UTRN: variants seen among roughly 807,000 people sequenced by gnomAD.
The protein encoded by UTRN is dystrophin-related protein 1.
A neutral mutation model predicts 463.9 loss-of-function variants in UTRN; 283 were observed. The observed-to-expected ratio is 0.61, with a 90% confidence interval of 0.55 to 0.67. The LOEUF (loss-of-function observed/expected upper bound fraction) is 0.67, where lower values mean the gene tolerates loss of function less well. UTRN is among the 30% of genes least tolerant of loss of function. UTRN has a pLI of 0.00. For synonymous variants in UTRN, 1,442 were observed against 1,431.5 expected, an observed-to-expected ratio of 1.01 and a Z score of -0.17; for missense variants, 3,922 against 4,084.3, an observed-to-expected ratio of 0.96 and a Z score of 1.08.
chr6:144,554,575 T>C (rs1799216507), intron 48 of UTRN, 113 bp from the exon 49 acceptor site: 1 of 1,063,320 alleles, frequency 9.4e-7, no homozygotes, highest in Admixed American at 2.6e-5. Context: ...GTTTATCAGC[T>C]TGCCTTCTTC....
In UTRN at chr6:144,286,279, G is replaced by T. The variant is rs980513517; in HGVS notation, c.-93+458G>T. ...ACAGACACCCGGGCCCGGGGAAGGCGGGGCTCCGGCGGTGTCCACAGGAGA... is the reference window on the plus strand; with the variant it reads ...ACAGACACCCGGGCCCGGGGAAGGCTGGGCTCCGGCGGTGTCCACAGGAGA... On this transcript the variant is annotated intron_variant, in intron 1 of 74. Coordinates refer to ENST00000367545, the MANE Select transcript of UTRN (RefSeq NM_007124.3). The surrounding 1 kb of genome is among the most constrained non-coding windows in gnomAD (Gnocchi z 4.4). 6.6e-6 allele frequency among the ~76,000 whole-genome samples: 1 copy of T among 152,158 alleles called. No homozygotes were observed. Among genetic ancestry groups the T allele is most frequent in the African/African-American group, 2.4e-5 (1 of 41,448 alleles).
At chr6:144,377,374 A>C (rs965406526) in intron 2 of UTRN, among the ~76,000 whole-genome samples, 1 of 152,200 alleles carries the variant, frequency 6.6e-6, no homozygotes, top group Non-Finnish European at 1.5e-5. Flanking sequence ...GCAGGAATAT[A>C]CATGTGCTTG....
In UTRN at chr6:144,824,776, G is replaced by C. The variant is rs1325283168; in HGVS notation, c.9495-2572G>C. On this transcript the variant is annotated intron_variant, in intron 66 of 74. Coordinates refer to ENST00000367545, the MANE Select transcript of UTRN (RefSeq NM_007124.3). ...AGGCAGTATGTGAAGTTGGTGGTGGGGGGGGGTGTCCCCCCAGCGTTAAGA... is the reference window on the plus strand; with the variant it reads ...AGGCAGTATGTGAAGTTGGTGGTGGCGGGGGGTGTCCCCCCAGCGTTAAGA... Among the ~76,000 whole-genome samples the C allele has an allele frequency of 1.9e-3, 275 of 146,154 alleles. 8 individuals are homozygous for C. Among genetic ancestry groups the C allele is most frequent in the Admixed American group, 0.015 (224 of 14,864 alleles).
rs77730551 is a variant in UTRN, at chr6:144,290,656, T to C, written c.-92-1081T>C. ...TTTTCATTCAGCATTCATATACCCA[T>C]GAGCTAGGTTCCTTAATTTGCATTT... On this transcript the variant is annotated intron_variant, in intron 1 of 74. Coordinates refer to ENST00000367545, the MANE Select transcript of UTRN (RefSeq NM_007124.3). Among the ~76,000 whole-genome samples the C allele has an allele frequency of 8.4e-3, 1,284 of 152,148 alleles. 79 individuals are homozygous for C. In the East Asian group the frequency reaches 0.16, roughly 19 times the overall value.
At chr6:144,289,678 T>A (rs1584140232) in intron 1 of UTRN, among the ~76,000 whole-genome samples, 1 of 152,148 alleles carries the variant, frequency 6.6e-6, no homozygotes, top group East Asian at 1.9e-4. Flanking sequence ...GATGGAATTT[T>A]GCCCTTGTCA....
chr6:144,611,083 C>T (rs1252282697), intron 51 of UTRN, among the ~76,000 whole-genome samples: 1 of 152,156 alleles, frequency 6.6e-6, no homozygotes, highest in African/African-American at 2.4e-5. Context: ...TGATACATCA[C>T]AGTAACAAAA....
intron 73 of UTRN, among the ~76,000 whole-genome samples, chr6:144,843,687 C>G (rs1021649012): frequency 2.0e-5 from 3 of 152,162 alleles, no homozygotes; most frequent in Non-Finnish European, 4.4e-5. Context: ...CAATGTCATT[C>G]TCAGTGTTCA....
At chr6:144,469,683 C>T (rs979485498) in intron 23 of UTRN, among the ~76,000 whole-genome samples, 1 of 143,812 alleles carries the variant, frequency 7.0e-6, no homozygotes, top group Non-Finnish European at 1.5e-5. Flanking sequence ...GCCTACATGG[C>T]TTCTCTGTCT....
chr6:144,647,210 CT>C (rs1562703889), intron 51 of UTRN, among the ~76,000 whole-genome samples: 1 of 152,106 alleles, frequency 6.6e-6, no homozygotes, highest in African/African-American at 2.4e-5. Flanking sequence ...TTCGAGTGAA[CT>C]GATATATTTA....
intron 73 of UTRN, among the ~76,000 whole-genome samples, chr6:144,842,039 G>A (rs1205104136): frequency 1.4e-5 from 2 of 146,046 alleles, no homozygotes; most frequent in African/African-American, 5.0e-5. Flanking sequence ...GAACCTGGGA[G>A]GTAGAGGTTG....
At chr6:144,772,650 G>T (rs1187800390) in intron 59 of UTRN, among the ~76,000 whole-genome samples, 1 of 152,018 alleles carries the variant, frequency 6.6e-6, no homozygotes, top group Non-Finnish European at 1.5e-5. Flanking sequence ...TTTGCTTTTG[G>T]CTCACTTTTT....
intron 1 of UTRN, among the ~76,000 whole-genome samples, chr6:144,289,078 G>T (rs981923702): frequency 2.0e-5 from 3 of 152,160 alleles, no homozygotes; most frequent in African/African-American, 7.2e-5. Flanking sequence ...GGGATTACAG[G>T]CATGAGCCAC....
chr6:144,312,350 G>A (rs1464697395), intron 2 of UTRN, among the ~76,000 whole-genome samples: 1 of 151,918 alleles, frequency 6.6e-6, no homozygotes, highest in Non-Finnish European at 1.5e-5. Context: ...TGTGAACCCA[G>A]GAGGCGGAGC....
chr6:144,471,111 A>G (rs9484880), intron 23 of UTRN, among the ~76,000 whole-genome samples: 37,143 of 126,022 alleles, frequency 0.29, 9,357 homozygotes, highest in African/African-American at 0.72. Context: ...AGGGAGAGGG[A>G]TCTGTTTCTT....
At chr6:144,308,234 T>C (rs1200997139) in intron 2 of UTRN, among the ~76,000 whole-genome samples, 1 of 152,210 alleles carries the variant, frequency 6.6e-6, no homozygotes, top group Non-Finnish European at 1.5e-5. Flanking sequence ...CCTCTTAATT[T>C]CTCTAAGTTC....
chr6:144,493,606 A>G (rs1793275997), intron 33 of UTRN, 150 bp downstream of exon 33: 3 of 791,788 alleles, frequency 3.8e-6, no homozygotes, highest in Non-Finnish European at 5.7e-6. Context: ...CGTGTTTTCA[A>G]TTTATTGTAA....
At chr6:144,715,461 T>C (rs943976338) in intron 53 of UTRN, among the ~76,000 whole-genome samples, 2 of 152,152 alleles carry the variant, frequency 1.3e-5, no homozygotes, top group Admixed American at 6.6e-5. Context: ...CTCGGAATGG[T>C]CTGCAAGGCC....
intron 51 of UTRN, among the ~76,000 whole-genome samples, chr6:144,641,583 G>A (rs1021102730): frequency 6.6e-6 from 1 of 152,134 alleles, no homozygotes; most frequent in Admixed American, 6.5e-5. Context: ...TTGGCCAAGA[G>A]GATTGGTCCA....
At chr6:144,688,376 A>G (rs1029296908) in intron 52 of UTRN, among the ~76,000 whole-genome samples, 1 of 152,004 alleles carries the variant, frequency 6.6e-6, no homozygotes, top group Admixed American at 6.6e-5. Flanking sequence ...ATTTCCAAAG[A>G]TTTCATATTG....
Sources: gnomAD v4.1 joint callset for allele counts (sites outside exome capture counted in the v4.1 genomes callset) on GRCh38, gnomAD v4.1.1 for gene constraint, Gnocchi (gnomAD v3.1) non-coding constraint, MANE v1.5 for transcripts, NCBI Gene and HGNC (gene_info 2026-07-23, HGNC 2026-07-21) for gene names.